The following PTPRD variants were observed in gnomAD, a reference collection of about 807,000 sequenced individuals.
PTPRD encodes protein tyrosine phosphatase receptor type D.
Under a neutral mutation model 214.5 loss-of-function variants are expected in PTPRD, and 34 were observed. That is an observed-to-expected ratio of 0.16 (90% CI 0.12 to 0.21). The LOEUF is 0.21. Among genes scored for constraint, PTPRD ranks in the 10% least tolerant of loss-of-function variants. PTPRD has a pLI of 1.00. For missense variants in PTPRD, 2,545 were observed against 2,398.7 expected (o/e 1.06, Z -1.27); for synonymous variants, 1,128 against 845.7 (o/e 1.33, Z -5.79).
intron 8 of PTPRD, among the ~76,000 whole-genome samples, chr9:9,498,400 C>T (rs748257144): frequency 1.5e-4 from 23 of 152,046 alleles, no homozygotes; most frequent in Non-Finnish European, 3.4e-4. Context: ...TAATTTAAAT[C>T]CAGGTTATAA....
intron 12 of PTPRD, among the ~76,000 whole-genome samples, chr9:8,640,993 AC>A (rs1360885338): frequency 6.7e-6 from 1 of 148,220 alleles, no homozygotes; most frequent in Non-Finnish European, 1.5e-5. Context: ...AAACTTAATA[AC>A]CCCAACAAAT....
At chr9:10,119,661 C>G (rs867342111) in intron 3 of PTPRD, among the ~76,000 whole-genome samples, 6 of 151,818 alleles carry the variant, frequency 4.0e-5, no homozygotes, top group Non-Finnish European at 7.4e-5. Context: ...CAAGACCCCC[C>G]GCATGGAAAT....
chr9:10,409,339 A>G (rs1223028567), intron 2 of PTPRD, among the ~76,000 whole-genome samples: 1 of 151,762 alleles, frequency 6.6e-6, no homozygotes, highest in Non-Finnish European at 1.5e-5. Flanking sequence ...GTATAGCTTT[A>G]ATAAGCTGAT....
At chr9:10,234,517 T>A (rs1594944888) in intron 3 of PTPRD, among the ~76,000 whole-genome samples, 4 of 151,834 alleles carry the variant, frequency 2.6e-5, no homozygotes, top group African/African-American at 9.7e-5. Context: ...CTAAAATTGG[T>A]ATATGGAATT....
intron 5 of PTPRD, among the ~76,000 whole-genome samples, chr9:9,925,187 T>G (rs1211305322): frequency 1.3e-5 from 2 of 152,098 alleles, no homozygotes; most frequent in African/African-American, 4.8e-5. Flanking sequence ...TTAGTGGCAA[T>G]GATCACTTAT....
intron 33 of PTPRD, among the ~76,000 whole-genome samples, chr9:8,459,210 G>A (rs2096305159): frequency 6.6e-6 from 1 of 151,964 alleles, no homozygotes; most frequent in Non-Finnish European, 1.5e-5. Flanking sequence ...GAAAAAGAGT[G>A]AATGGAAATG....
At chr9:9,854,347 A>G (rs1599829302) in intron 5 of PTPRD, among the ~76,000 whole-genome samples, 1 of 152,146 alleles carries the variant, frequency 6.6e-6, no homozygotes, top group East Asian at 1.9e-4. Flanking sequence ...ATTAGAATTT[A>G]ATCATAGGTC....
chr9:8,365,607 T>C (rs1016076016), intron 39 of PTPRD, among the ~76,000 whole-genome samples: 2 of 152,100 alleles, frequency 1.3e-5, no homozygotes, highest in African/African-American at 4.8e-5. Flanking sequence ...TTCAGCAATG[T>C]GGCACTCAGA....
At chr9:9,831,257 TGAAACC>T (rs1214829646) in intron 5 of PTPRD, among the ~76,000 whole-genome samples, 1 of 151,986 alleles carries the variant, frequency 6.6e-6, no homozygotes, top group Non-Finnish European at 1.5e-5. Flanking sequence ...AGGAACAGAC[TGAAACC>T]TAGAGACATT....
rs139472850 is a variant in PTPRD at position 8,583,456 on chromosome 9, A to T, written c.352+49861T>A. ...TGCTTCAGCCTCCTGAGTAGCTAGG[A>T]CAACAGGCACAAGCCACCACGCATG... On this transcript the variant is annotated intron_variant, in intron 14 of 45. Transcript: ENST00000381196. 1.8e-4 allele frequency among the ~76,000 whole-genome samples: 27 copies of T among 152,340 alleles called. No individual in the cohort carries two copies. In the East Asian group the frequency reaches 5.2e-3, roughly 29 times the overall value.
intron 10 of PTPRD, among the ~76,000 whole-genome samples, chr9:9,128,179 C>G (rs967178855): frequency 2.0e-5 from 3 of 152,260 alleles, no homozygotes; most frequent in African/African-American, 7.2e-5. Context: ...GACCATGATG[C>G]TTTGGCTATT....
At chr9:10,127,798 C>A (rs1420483518) in intron 3 of PTPRD, among the ~76,000 whole-genome samples, 10 of 152,106 alleles carry the variant, frequency 6.6e-5, no homozygotes, top group Non-Finnish European at 1.0e-4. Flanking sequence ...TCCAGTTCCT[C>A]TCTTTCTAAC....
chr9:8,968,532 A>G (rs1434479110), intron 11 of PTPRD, among the ~76,000 whole-genome samples: 4 of 151,884 alleles, frequency 2.6e-5, no homozygotes, highest in Non-Finnish European at 1.5e-5. Context: ...TTCATGTGTC[A>G]GGCAGGCACT....
rs560658886 is a variant in PTPRD, at chr9:10,240,398, G to C, written c.-545+100565C>G. Among the ~76,000 whole-genome samples, 5 of 151,976 alleles carry C rather than the reference G, an allele frequency of 3.3e-5. No individual in the cohort carries two copies. In the South Asian group the frequency reaches 1.0e-3, roughly 32 times the overall value. On this transcript the variant is annotated intron_variant, in intron 3 of 45. Transcript: ENST00000381196. Reference sequence around the variant, plus strand: ...TCCCTTTTTCACTCCTAGAGAAACAGAAGGTCCAGGGCAGAAAGGTGAGGA... The same window carrying C: ...TCCCTTTTTCACTCCTAGAGAAACACAAGGTCCAGGGCAGAAAGGTGAGGA...
At chr9:9,372,628 T>C (rs2059830998) in intron 9 of PTPRD, among the ~76,000 whole-genome samples, 2 of 152,186 alleles carry the variant, frequency 1.3e-5, no homozygotes, top group Admixed American at 6.6e-5. Flanking sequence ...AGGTTAATAT[T>C]GTTATGTGTG....
chr9:8,504,018 G>A (rs1247753486), intron 23 of PTPRD, among the ~76,000 whole-genome samples: 2 of 152,122 alleles, frequency 1.3e-5, no homozygotes, highest in Non-Finnish European at 1.5e-5. Context: ...ACCCATGGAC[G>A]TCTACTACCT....
chr9:8,340,978 C>T (rs986394729), intron 41 of PTPRD, 112 bp downstream of exon 41: 1 of 1,082,670 alleles, frequency 9.2e-7, no homozygotes, highest in Non-Finnish European at 1.3e-6. Context: ...TAAATGATGA[C>T]CTATGCAGAA....
chr9:8,975,034 T>C (rs958726648), intron 11 of PTPRD, among the ~76,000 whole-genome samples: 1 of 148,574 alleles, frequency 6.7e-6, no homozygotes. Context: ...GAAGTGGAGA[T>C]TGCAGTGAGC....
chr9:10,009,039 T>C (rs1251752773), intron 4 of PTPRD, among the ~76,000 whole-genome samples: 8 of 151,954 alleles, frequency 5.3e-5, no homozygotes, highest in African/African-American at 1.7e-4. Context: ...TAATGAAGCA[T>C]GGAAACAGGT....
Sources: gnomAD v4.1 joint callset for allele counts (sites outside exome capture counted in the v4.1 genomes callset) on GRCh38, gnomAD v4.1.1 for gene constraint, MANE v1.5 for transcripts, NCBI Gene and HGNC (gene_info 2026-07-23, HGNC 2026-07-21) for gene names.